Variants in IL27RA observed in about 807,000 individuals in gnomAD.
The protein encoded by IL27RA is interleukin-27 receptor subunit alpha.
IL27RA carries 61 observed loss-of-function variants against 80.8 expected under a neutral mutation model. The observed-to-expected ratio is 0.76, with a 90% CI of 0.61 to 0.93. The LOEUF (loss-of-function observed/expected upper bound fraction) is 0.93, where lower values mean the gene tolerates loss of function less well. Among genes scored for constraint, IL27RA ranks in the 40% least tolerant of loss-of-function variants. The pLI is 0.00. For synonymous variants in IL27RA, 316 were observed against 332.5 expected (o/e 0.95, Z 0.54); for missense variants, 735 against 808.1 (o/e 0.91, Z 1.10).
chr19:14,045,143 G>A lies in IL27RA; in HGVS notation c.769-1011G>A, dbSNP rs186730450. ...TCCAAAAAAAAAAAAAAAAATTAGC[G>A]GGGTGTGGTGGCATGCGTCTATAGT... On this transcript the variant is annotated intron_variant, in intron 6 of 13. Transcript: ENST00000263379. Among the ~76,000 whole-genome samples, 86 of 150,540 alleles carry A rather than the reference G, an allele frequency of 5.7e-4. 1 individual carries two copies. In the East Asian group the frequency reaches 0.014, roughly 24 times the overall value.
rs761934110 is a variant in IL27RA at position 14,049,103 on chromosome 19, TG to T, written c.1243+28del. The T allele has an allele frequency of 7.4e-5, 120 of 1,612,330 alleles. No individual in the cohort carries two copies. In the South Asian group the frequency reaches 8.9e-4, roughly 12 times the overall value. Reference sequence around the variant, plus strand: ...ATTAGGTAAGAGTGGGGCTGGAGGATGGGGGGGCTTCTGTAACCCAGGCCGA... The same window carrying T: ...ATTAGGTAAGAGTGGGGCTGGAGGATGGGGGGCTTCTGTAACCCAGGCCGA... On this transcript the variant is annotated intron_variant, in intron 9 of 13. Transcript: ENST00000263379.
chr19:14,034,972 A>G (rs1391678026), intron 2 of IL27RA, among the ~76,000 whole-genome samples: 1 of 132,508 alleles, frequency 7.5e-6, no homozygotes, highest in East Asian at 2.1e-4. Context: ...AAAAATTCAT[A>G]CAACATAAAA....
intron 2 of IL27RA, among the ~76,000 whole-genome samples, chr19:14,037,762 C>T (rs867284819): frequency 2.7e-5 from 4 of 150,900 alleles, no homozygotes; most frequent in African/African-American, 4.9e-5. Context: ...GGGGATGGTG[C>T]GGGGGATTGC....
chr19:14,034,150 A>G (rs748231040), intron 2 of IL27RA, among the ~76,000 whole-genome samples: 16 of 152,144 alleles, frequency 1.1e-4, no homozygotes, highest in Admixed American at 2.0e-4. Context: ...TTAAAAGATT[A>G]TTCAGTGTGG....
rs1975816288 is a variant in IL27RA, at chr19:14,031,798, A to G, written c.-75A>G. The G allele has an allele frequency of 1.6e-6, 2 of 1,275,850 alleles. No individual in the cohort carries two copies. Among genetic ancestry groups the G allele is most frequent in the East Asian group, 2.6e-5 (1 of 38,922 alleles). 79.0% of individuals were successfully genotyped at this position (1,275,850 alleles called of 1,614,324 possible). A position where few individuals can be genotyped will look rare whatever the true frequency, so the allele number is the denominator to read the frequency against. ...CGTTGCCGCCTCGGGCGCTGTACCCAGAGCTCGAAGAGGAGCAGCGCGGCC... is the reference window on the plus strand; with the variant it reads ...CGTTGCCGCCTCGGGCGCTGTACCCGGAGCTCGAAGAGGAGCAGCGCGGCC... On this transcript the variant is annotated 5_prime_UTR_variant, in exon 1 of 14. Coordinates refer to ENST00000263379, the MANE Select transcript of IL27RA (RefSeq NM_004843.4).
chr19:14,045,671 C>T (rs1276920920), intron 6 of IL27RA, among the ~76,000 whole-genome samples: 1 of 151,542 alleles, frequency 6.6e-6, no homozygotes, highest in Non-Finnish European at 1.5e-5. Context: ...TATTACAATA[C>T]TGCATTAAAA....
chr19:14,038,496 T>C lies in IL27RA; in HGVS notation c.219-1012T>C, dbSNP rs145792870. On this transcript the variant is annotated intron_variant, in intron 2 of 13. Coordinates refer to ENST00000263379, the MANE Select transcript of IL27RA (RefSeq NM_004843.4). Reference sequence around the variant, plus strand: ...TGGAGGCTGAGGCAGGAGGATTGCTTGAGCCTAGGAGTTCAAGGTTGCAGT... The same window carrying C: ...TGGAGGCTGAGGCAGGAGGATTGCTCGAGCCTAGGAGTTCAAGGTTGCAGT... 5.0e-4 allele frequency among the ~76,000 whole-genome samples: 75 copies of C among 151,058 alleles called. 1 individual carries two copies. Among genetic ancestry groups the C allele is most frequent in the African/African-American group, 1.8e-3 (72 of 41,104 alleles).
Position 14,052,164 on chromosome 19 carries a change from G to A in IL27RA, c.1785G>A (p.Pro595=), listed in dbSNP as rs144202279. ...AAGTGGAGGAGATGGAGCCCCCGCC[G>A]GTTATGGAGTCCTCCCAGCCCGCCC... is the stretch of plus-strand genomic sequence containing the variant. ...ILEVEEMEPP[P]VMESSQPAQA... The change falls in exon 14 of 14, where the codon CCG becomes CCA. Residue 595 remains proline, a synonymous_variant. Coordinates refer to ENST00000263379, the MANE Select transcript of IL27RA (RefSeq NM_004843.4). 148 of 1,613,212 alleles carry A rather than the reference G, an allele frequency of 9.2e-5. No homozygotes were observed. The highest frequency in any genetic ancestry group is 1.2e-4 in the Non-Finnish European group (139 of 1,179,770).
chr19:14,041,676 T>G (rs1460301454), intron 4 of IL27RA, among the ~76,000 whole-genome samples: 1 of 152,172 alleles, frequency 6.6e-6, no homozygotes, highest in African/African-American at 2.4e-5. Context: ...CCACCTTTTC[T>G]CTGTCTGCTC....
In IL27RA at chr19:14,050,961, C is replaced by T. The variant is rs975181372; in HGVS notation, c.1528+78C>T. ...GGAGAGGTAGCATCTGGAGTCATTA[C>T]TTGGAAGCTAGGTGCAGTGGCTCAC... is the stretch of plus-strand genomic sequence containing the variant. On this transcript the variant is annotated intron_variant, in intron 11 of 13. Coordinates refer to ENST00000263379, the MANE Select transcript of IL27RA (RefSeq NM_004843.4). 2.7e-5 allele frequency: 39 copies of T among 1,453,738 alleles called. No individual in the cohort carries two copies. In the African/African-American group the frequency reaches 4.6e-4, roughly 17 times the overall value. 90.1% of individuals were successfully genotyped at this position (1,453,738 alleles called of 1,614,324 possible). A position where few individuals can be genotyped will look rare whatever the true frequency, so the allele number is the denominator to read the frequency against.
chr19:14,038,610 C>T (rs1366148235), intron 2 of IL27RA, among the ~76,000 whole-genome samples: 1 of 148,906 alleles, frequency 6.7e-6, no homozygotes, highest in Admixed American at 6.7e-5. Flanking sequence ...AAGGGCCGGG[C>T]GCAGTGGCTC....
intron 6 of IL27RA, 110 bp from the exon 7 acceptor site, chr19:14,046,044 C>T: frequency 9.2e-7 from 1 of 1,086,006 alleles, no homozygotes; most frequent in Non-Finnish European, 1.3e-6. Flanking sequence ...AACAAACAAA[C>T]AAACAAAAAA....
chr19:14,032,750 A>G (rs572352084), intron 2 of IL27RA, among the ~76,000 whole-genome samples: 7 of 146,890 alleles, frequency 4.8e-5, no homozygotes, highest in South Asian at 4.4e-4. Flanking sequence ...AGGTTGCAGT[A>G]AGCCCAGATC....
chr19:14,050,529 A>AG (rs1491067496), intron 10 of IL27RA, among the ~76,000 whole-genome samples: 16 of 139,666 alleles, frequency 1.1e-4, no homozygotes, highest in Admixed American at 2.2e-4. Context: ...AAAAAAAAAA[A>AG]AGAGAATCAA....
chr19:14,037,270 T>TC (rs1975916803), intron 2 of IL27RA, among the ~76,000 whole-genome samples: 1 of 151,750 alleles, frequency 6.6e-6, no homozygotes. Context: ...TTTTACTTTT[T>TC]TTTTTTTTGA....
chr19:14,052,286 C>A lies in IL27RA; in HGVS notation c.1907C>A (p.Ala636Asp). The A allele has an allele frequency of 6.7e-7, 1 of 1,500,832 alleles. No individual in the cohort carries two copies. The highest frequency in any genetic ancestry group is 1.4e-5 in the South Asian group (1 of 72,650). 93.0% of individuals were successfully genotyped at this position (1,500,832 alleles called of 1,614,324 possible). A position where few individuals can be genotyped will look rare whatever the true frequency, so the allele number is the denominator to read the frequency against. Residue 636 changes from alanine (A) to aspartate (D), a missense_variant, in exon 14 of 14, where the codon GCC becomes GAC. Coordinates refer to ENST00000263379, the MANE Select transcript of IL27RA (RefSeq NM_004843.4). ...LLGPPRPQVLA is the reference protein window; with the variant it reads ...LLGPPRPQVLD ...GGGCCCCCCAGGCCACAGGTTCTGGCCTGAACCACACGTCTGGCTGGGGGC... is the reference window on the plus strand; with the variant it reads ...GGGCCCCCCAGGCCACAGGTTCTGGACTGAACCACACGTCTGGCTGGGGGC...
Position 14,046,568 on chromosome 19 carries a change from A to G in IL27RA, c.1091A>G (p.Lys364Arg), listed in dbSNP as rs756192797. The change falls in exon 8 of 14, where the codon AAA (lysine) becomes AGA (arginine). Residue 364 changes from lysine (K) to arginine (R), a missense_variant. Physicochemically the swap from Lys to Arg is conservative, Grantham distance 26. Coordinates refer to ENST00000263379, the MANE Select transcript of IL27RA (RefSeq NM_004843.4). ...DWARDGDPLE[K>R]LNWVRLPPGN... ...GCTCGAGATGGGGACCCCCTGGAGA[A>G]ACTCAACTGGGTCCGGCTTCCCCCT... 4.3e-6 allele frequency: 7 copies of G among 1,613,702 alleles called. No individual in the cohort carries two copies. Among genetic ancestry groups the G allele is most frequent in the Middle Eastern group, 3.3e-4 (2 of 6,046 alleles).
At chr19:14,045,784 G>A (rs1976055479) in intron 6 of IL27RA, among the ~76,000 whole-genome samples, 1 of 151,776 alleles carries the variant, frequency 6.6e-6, no homozygotes, top group Non-Finnish European at 1.5e-5. Flanking sequence ...TAGCACTTTG[G>A]GAGGCTGAGG....
intron 4 of IL27RA, among the ~76,000 whole-genome samples, chr19:14,041,837 G>A (rs1369061600): frequency 6.6e-6 from 1 of 152,030 alleles, no homozygotes; most frequent in African/African-American, 2.4e-5. Context: ...AGGCCGAGGT[G>A]GGCAGATCAC....
Sources: gnomAD v4.1 joint callset for allele counts (sites outside exome capture counted in the v4.1 genomes callset) on GRCh38, gnomAD v4.1.1 for gene constraint, MANE v1.5 for transcripts, NCBI Gene and HGNC (gene_info 2026-07-23, HGNC 2026-07-21) for gene names.